The following TRIM55 variants were observed in gnomAD, a reference collection of about 807,000 sequenced individuals.
TRIM55 encodes tripartite motif containing 55.
In TRIM55, 50 loss-of-function variants were observed where a neutral mutation model predicts 60.9. The observed-to-expected ratio is 0.82, with a 90% CI of 0.65 to 1.04. The LOEUF (loss-of-function observed/expected upper bound fraction) is 1.04, where lower values mean the gene tolerates loss of function less well. Ranked by LOEUF, TRIM55 falls within the 50% of genes least tolerant of loss-of-function variation. TRIM55 has a pLI of 0.00. For synonymous variants in TRIM55, 237 were observed against 238.1 expected, an observed-to-expected ratio of 1.00 and a Z score of 0.04; for missense variants, 681 against 666.9, an observed-to-expected ratio of 1.02 and a Z score of -0.23.
Position 66,150,408 on chromosome 8 carries a change from C to T in TRIM55, c.927C>T (p.His309=), listed in dbSNP as rs768160470. The T allele has an allele frequency of 1.2e-6, 2 of 1,614,116 alleles. No individual in the cohort carries two copies. Among genetic ancestry groups the T allele is most frequent in the East Asian group, 2.2e-5 (1 of 44,874 alleles). ...KIEHGYENMN[H]FTVNLNREEK... ...AACATGGCTATGAGAACATGAACCA[C>T]TTCACAGTCAACCTCAATAGAGAAG... Residue 309 remains histidine (H), a synonymous_variant, in exon 7 of 10, where the codon CAC becomes CAT. Coordinates refer to ENST00000315962, the MANE Select transcript of TRIM55 (RefSeq NM_184085.2).
chr8:66,148,478 A>C lies in TRIM55; in HGVS notation c.604-1167A>C, dbSNP rs560146600. On this transcript the variant is annotated intron_variant, in intron 4 of 9. Transcript: ENST00000315962. ...AAAGTTAAAAGTTGCATTCAGCCAT[A>C]AACATCAAGGGACACTTTATGGAAG... 2.6e-5 allele frequency among the ~76,000 whole-genome samples: 4 copies of C among 152,372 alleles called. No individual in the cohort carries two copies. In the South Asian group the frequency reaches 6.2e-4, roughly 24 times the overall value.
At chr8:66,150,962 G>A (rs1348486219) in intron 7 of TRIM55, among the ~76,000 whole-genome samples, 4 of 152,172 alleles carry the variant, frequency 2.6e-5, no homozygotes, top group African/African-American at 4.8e-5. Context: ...CACCATGCCC[G>A]GCCTGGTGCC....
chr8:66,138,667 G>A (rs1354555513), intron 4 of TRIM55, among the ~76,000 whole-genome samples: 2 of 152,222 alleles, frequency 1.3e-5, no homozygotes, highest in Non-Finnish European at 2.9e-5. Flanking sequence ...GGGATCACAG[G>A]CGTGAGCCAC....
chr8:66,173,971 G>A (rs905117621), intron 9 of TRIM55, among the ~76,000 whole-genome samples: 6 of 152,048 alleles, frequency 3.9e-5, no homozygotes, highest in African/African-American at 1.4e-4. Flanking sequence ...AAAAATTATA[G>A]TAAGAAAATA....
intron 2 of TRIM55, among the ~76,000 whole-genome samples, chr8:66,134,243 G>A (rs1809345184): frequency 6.6e-6 from 1 of 152,156 alleles, no homozygotes; most frequent in Non-Finnish European, 1.5e-5. Context: ...TCTGGATTTG[G>A]ATTTGAATTT....
chr8:66,152,586 C>G lies in TRIM55; in HGVS notation c.1195C>G (p.Pro399Ala). The G allele has an allele frequency of 6.2e-7, 1 of 1,614,162 alleles. No homozygotes were observed. Among genetic ancestry groups the G allele is most frequent in the Non-Finnish European group, 8.5e-7 (1 of 1,180,018 alleles). ...ACTTCCAGTTTCCTCTCCAGAGCCA[C>G]CTCCAGCCCTGCCACCTGCTGCGGA... The part of the protein sequence containing the change: ...GALPVSSPEP[P>A]PALPPAADAP... The change falls in exon 8 of 10, where the codon CCT becomes GCT. Residue 399 changes from proline (P) to alanine (A), a missense_variant. Transcript: ENST00000315962.
upstream of TRIM55, among the ~76,000 whole-genome samples, chr8:66,124,876 G>A (rs1201494583): frequency 6.6e-6 from 1 of 152,162 alleles, no homozygotes; most frequent in Non-Finnish European, 1.5e-5. Flanking sequence ...TGGTACGAAG[G>A]ACAGAACTCT....
chr8:66,161,369 T>A (rs967929983), intron 9 of TRIM55, among the ~76,000 whole-genome samples: 1 of 152,242 alleles, frequency 6.6e-6, no homozygotes, highest in Non-Finnish European at 1.5e-5. Context: ...TTCTCTATTC[T>A]GTTCCATTGG....
intron 9 of TRIM55, among the ~76,000 whole-genome samples, chr8:66,172,968 GT>G (rs1218241632): frequency 6.6e-6 from 1 of 152,136 alleles, no homozygotes; most frequent in African/African-American, 2.4e-5. Context: ...TTAAGGGTTT[GT>G]TTTTTGTTTG....
At chr8:66,114,138 A>G in the TRIM55 span, among the ~76,000 whole-genome samples, 1 of 135,366 alleles carries the variant, frequency 7.4e-6, no homozygotes, top group Admixed American at 8.0e-5. Context: ...TTCAGCGCTC[A>G]ATGTTCTGAC....
chr8:66,141,537 G>A (rs1479460596), intron 4 of TRIM55, among the ~76,000 whole-genome samples: 2 of 152,210 alleles, frequency 1.3e-5, no homozygotes, highest in African/African-American at 4.8e-5. Flanking sequence ...TGCTTCCAGG[G>A]AAACATGCTT....
rs1395701944 is a variant in TRIM55 at position 66,147,809 on chromosome 8, A to AG, written c.604-1836_604-1835insG. Among the ~76,000 whole-genome samples, 1,252 of 147,334 alleles carry AG rather than the reference A, an allele frequency of 8.5e-3. 29 individuals are homozygous for AG. The highest frequency in any genetic ancestry group is 0.032 in the African/African-American group (1,197 of 37,582). On this transcript the variant is annotated intron_variant, in intron 4 of 9. Coordinates refer to ENST00000315962, the MANE Select transcript of TRIM55 (RefSeq NM_184085.2). ...GACTCCATCTCAAAAAAAAAAAAAA[A>AG]AAAAAAAACCACAAAATCTATTCAA...
At chr8:66,161,555 C>A (rs575187277) in intron 9 of TRIM55, among the ~76,000 whole-genome samples, 5 of 151,942 alleles carry the variant, frequency 3.3e-5, no homozygotes, top group Admixed American at 1.3e-4. Context: ...TTTTCTAGTT[C>A]TATGAAGAAT....
At chr8:66,164,436 C>T (rs796519949) in intron 9 of TRIM55, among the ~76,000 whole-genome samples, 5 of 152,212 alleles carry the variant, frequency 3.3e-5, no homozygotes, top group African/African-American at 1.2e-4. Context: ...TACCTGTGCC[C>T]TAGTTCATCC....
At chr8:66,174,274 T>C (rs770404613) in intron 9 of TRIM55, among the ~76,000 whole-genome samples, 197 bp from the exon 10 acceptor site, 3 of 151,932 alleles carry the variant, frequency 2.0e-5, no homozygotes, top group Non-Finnish European at 4.4e-5. Context: ...TGTGAATTAT[T>C]TTCATGACTC....
intron 9 of TRIM55, 45 bp from the exon 10 acceptor site, chr8:66,174,426 G>A: frequency 6.3e-7 from 1 of 1,595,148 alleles, no homozygotes; most frequent in Non-Finnish European, 8.5e-7. Context: ...AATCCAAAAA[G>A]AACAAACCTC....
intron 1 of TRIM55, 40 bp from the exon 2 acceptor site, chr8:66,128,264 G>A (rs781428841): frequency 3.1e-5 from 47 of 1,529,924 alleles, no homozygotes; most frequent in Non-Finnish European, 4.0e-5. Flanking sequence ...AGCTGCTTGT[G>A]GCATTACCCA....
At chr8:66,136,452 T>C (rs1809485413) in intron 3 of TRIM55, among the ~76,000 whole-genome samples, 1 of 152,162 alleles carries the variant, frequency 6.6e-6, no homozygotes, top group African/African-American at 2.4e-5. Flanking sequence ...ACAGAGAAGT[T>C]GGGGGTAGAG....
intron 4 of TRIM55, among the ~76,000 whole-genome samples, chr8:66,148,326 A>G (rs1236224991): frequency 1.3e-5 from 2 of 152,274 alleles, no homozygotes; most frequent in Non-Finnish European, 2.9e-5. Flanking sequence ...CAGACTTCCA[A>G]CACAGCCTTT....
Sources: gnomAD v4.1 joint callset for allele counts (sites outside exome capture counted in the v4.1 genomes callset) on GRCh38, gnomAD v4.1.1 for gene constraint, MANE v1.5 for transcripts, NCBI Gene and HGNC (gene_info 2026-07-23, HGNC 2026-07-21) for gene names.